The following FHL2 variants were observed in gnomAD, a reference collection of about 807,000 sequenced individuals.
FHL2 encodes the protein four and a half LIM domains 2.
A neutral mutation model predicts 32.7 loss-of-function variants in FHL2; 20 were observed. That is an observed-to-expected ratio of 0.61 (90% CI 0.43 to 0.89). The LOEUF (loss-of-function observed/expected upper bound fraction) is 0.89, where lower values mean the gene tolerates loss of function less well. Among genes scored for constraint, FHL2 ranks in the 40% least tolerant of loss-of-function variants. FHL2 has a pLI of 0.00. For synonymous variants in FHL2, 123 were observed against 128.1 expected (o/e 0.96, Z 0.27); for missense variants, 311 against 358.6 (o/e 0.87, Z 1.07).
intron 1 of FHL2, among the ~76,000 whole-genome samples, chr2:105,419,835 T>C (rs1402044730): frequency 6.6e-6 from 1 of 152,238 alleles, no homozygotes; most frequent in Non-Finnish European, 1.5e-5. Flanking sequence ...GTCTCACTTT[T>C]GCCAGTGTAA....
At chr2:105,383,516 T>A (rs1682053295) in intron 3 of FHL2, among the ~76,000 whole-genome samples, 1 of 152,220 alleles carries the variant, frequency 6.6e-6, no homozygotes, top group Non-Finnish European at 1.5e-5. Flanking sequence ...GCCTGTCTCA[T>A]TTAAGTAGGT....
At chr2:105,428,102 T>C (rs1573408659) in intron 1 of FHL2, among the ~76,000 whole-genome samples, 1 of 152,350 alleles carries the variant, frequency 6.6e-6, no homozygotes, top group African/African-American at 2.4e-5. Context: ...TGAGAACTCA[T>C]GGTCATAAAA....
intron 1 of FHL2, among the ~76,000 whole-genome samples, chr2:105,428,031 T>G (rs766024599): frequency 5.2e-4 from 79 of 152,274 alleles, no homozygotes; most frequent in Non-Finnish European, 1.0e-3. Context: ...TTTCTAACAC[T>G]GTGATGCTCA....
At chr2:105,430,141 C>T (rs1432787745) in intron 1 of FHL2, among the ~76,000 whole-genome samples, 1 of 152,160 alleles carries the variant, frequency 6.6e-6, no homozygotes, top group Non-Finnish European at 1.5e-5. Context: ...GAACAAGGGA[C>T]ATTAGACTTG....
intron 1 of FHL2, among the ~76,000 whole-genome samples, chr2:105,410,604 A>G (rs1008622777): frequency 7.9e-5 from 12 of 152,216 alleles, no homozygotes; most frequent in African/African-American, 2.6e-4. Context: ...AACATGTCAC[A>G]TCGTATGCTA....
intron 3 of FHL2, chr2:105,386,070 T>G (rs966829401): frequency 9.4e-5 from 41 of 438,202 alleles, no homozygotes; most frequent in Non-Finnish European, 1.3e-4. Flanking sequence ...GTTCCAGTAT[T>G]GGTAGGCAGC....
chr2:105,413,438 C>T (rs1015338470), intron 1 of FHL2, among the ~76,000 whole-genome samples: 1 of 152,002 alleles, frequency 6.6e-6, no homozygotes. Context: ...CAAAGCTAAG[C>T]ACTACTTACC....
Position 105,363,573 on chromosome 2 carries a change from G to A in FHL2, c.502-102C>T, listed in dbSNP as rs916111449. ...CGATGCAAGATCCTCATCCAGAAAC[G>A]TCCAGTTTGTTAAGTCACCAAGAAG... On this transcript the variant is annotated intron_variant, in intron 5 of 6. Transcript: ENST00000530340. The A allele has an allele frequency of 3.4e-5, 38 of 1,121,726 alleles. No homozygotes were observed. The Admixed American group carries it at 5.2e-4, about 15-fold the overall frequency. The allele number at this position is 1,121,726 out of a possible 1,614,324, so 69.5% of individuals were successfully genotyped here.
chr2:105,433,471 C>T lies in FHL2; in HGVS notation c.-25+4928G>A, dbSNP rs143455373. Among the ~76,000 whole-genome samples, 682 of 152,268 alleles carry T rather than the reference C, an allele frequency of 4.5e-3. 2 individuals carry two copies. The highest frequency in any genetic ancestry group is 0.015 in the African/African-American group (634 of 41,542). ...TGCTGGGATTACAGGCGTGAGCCAC[C>T]GCGCCCGGCTTCATTTTTAAGATGA... is the stretch of plus-strand genomic sequence containing the variant. On this transcript the variant is annotated intron_variant, in intron 1 of 5. Coordinates refer to the FHL2 transcript ENST00000393352.
rs781442800 is a variant in FHL2 at position 105,389,415 on chromosome 2, T to C, written c.-24-2875A>G. ...TTGAGAGCTGTTTTTCCAACATATA[T>C]GTTTTTCCAATAAAGGGTGTGATTT... On this transcript the variant is annotated intron_variant, in intron 2 of 6. Coordinates refer to ENST00000530340, the MANE Select transcript of FHL2 (RefSeq NM_001318895.3). Among the ~76,000 whole-genome samples, 41 of 152,234 alleles carry C rather than the reference T, an allele frequency of 2.7e-4. 1 individual carries two copies. Among genetic ancestry groups the C allele is most frequent in the Admixed American group, 1.0e-3 (16 of 15,288 alleles).
chr2:105,426,212 T>A (rs1684264944), intron 1 of FHL2, among the ~76,000 whole-genome samples: 1 of 152,202 alleles, frequency 6.6e-6, no homozygotes, highest in African/African-American at 2.4e-5. Flanking sequence ...GGTTCTCTGC[T>A]GCCATAAGGA....
intron 1 of FHL2, among the ~76,000 whole-genome samples, chr2:105,397,676 GC>G (rs1041623528): frequency 3.9e-4 from 60 of 152,174 alleles, no homozygotes; most frequent in African/African-American, 1.4e-3. Flanking sequence ...ACCATGGCAG[GC>G]TAATAAACAC....
chr2:105,359,473 T>C (rs999331125), downstream of FHL2: 2 of 152,250 alleles, frequency 1.3e-5, no homozygotes, highest in Non-Finnish European at 2.9e-5. Context: ...ATGCTCAGCA[T>C]ATATCAGACT....
intron 3 of FHL2, among the ~76,000 whole-genome samples, chr2:105,380,060 C>A (rs1053452812): frequency 3.3e-5 from 5 of 152,160 alleles, no homozygotes; most frequent in African/African-American, 1.2e-4. Flanking sequence ...CCTGGACTCG[C>A]TTCTTAAGAA....
At chr2:105,436,870 T>G (rs1435208274) in intron 1 of FHL2, among the ~76,000 whole-genome samples, 1 of 152,226 alleles carries the variant, frequency 6.6e-6, no homozygotes, top group Non-Finnish European at 1.5e-5. Flanking sequence ...ATCAATATAA[T>G]TTTACCTCTT....
At chr2:105,380,086 G>C (rs111712661) in intron 3 of FHL2, among the ~76,000 whole-genome samples, 1,632 of 152,300 alleles carry the variant, frequency 0.011, 28 homozygotes, top group African/African-American at 0.037. Context: ...ACAATAAGGA[G>C]GAAGTGAGGA....
At chr2:105,367,253 A>G (rs1368505215) in intron 5 of FHL2, among the ~76,000 whole-genome samples, 7 of 152,164 alleles carry the variant, frequency 4.6e-5, no homozygotes, top group African/African-American at 1.7e-4. Flanking sequence ...GAGAAGCTGA[A>G]CAAGACAGCT....
chr2:105,401,993 A>G (rs1001832931), upstream of FHL2, among the ~76,000 whole-genome samples: 5 of 151,118 alleles, frequency 3.3e-5, no homozygotes, highest in African/African-American at 1.2e-4. Context: ...CTAAATATAT[A>G]TATACACGAA....
chr2:105,374,988 T>A (rs1424144490), intron 3 of FHL2, among the ~76,000 whole-genome samples: 2 of 152,150 alleles, frequency 1.3e-5, no homozygotes, highest in Non-Finnish European at 2.9e-5. Context: ...GCCCACGATG[T>A]CTCTGTTACT....
Sources: gnomAD v4.1 joint callset for allele counts (sites outside exome capture counted in the v4.1 genomes callset) on GRCh38, gnomAD v4.1.1 for gene constraint, MANE v1.5 for transcripts, NCBI Gene and HGNC (gene_info 2026-07-23, HGNC 2026-07-21) for gene names.